The following ARHGEF3 variants were observed in gnomAD, a reference collection of about 807,000 sequenced individuals.
ARHGEF3 encodes the protein Rho guanine nucleotide exchange factor 3, also known as 59.8 kDA protein.
In ARHGEF3, 28 loss-of-function variants were observed where a neutral mutation model predicts 63.2. The ratio of observed to expected loss-of-function variants is 0.44; its 90% CI spans 0.33 to 0.61. The LOEUF (loss-of-function observed/expected upper bound fraction) is 0.61, where lower values mean the gene tolerates loss of function less well. Ranked by LOEUF, ARHGEF3 falls within the 20% of genes least tolerant of loss-of-function variation. The pLI, the probability that ARHGEF3 is intolerant of heterozygous loss-of-function variation, is 0.03. For synonymous variants in ARHGEF3, 266 were observed against 254.2 expected (o/e 1.05, Z -0.44); for missense variants, 533 against 659.3 (o/e 0.81, Z 2.10).
intron 9 of ARHGEF3, among the ~76,000 whole-genome samples, chr3:56,730,673 G>T (rs2033086220): frequency 6.6e-6 from 1 of 152,130 alleles, no homozygotes; most frequent in South Asian, 2.1e-4. Context: ...GAGCCACCGT[G>T]CCTGGCCTAT....
intron 1 of ARHGEF3, among the ~76,000 whole-genome samples, chr3:57,036,986 T>C (rs1442752461): frequency 6.6e-6 from 1 of 152,240 alleles, no homozygotes; most frequent in African/African-American, 2.4e-5. Context: ...CCCAAGGCGT[T>C]AGACAGTCAG....
intron 7 of ARHGEF3, among the ~76,000 whole-genome samples, chr3:56,740,803 A>C (rs1198531772): frequency 1.3e-5 from 2 of 152,210 alleles, no homozygotes; most frequent in African/African-American, 4.8e-5. Context: ...GGACAGCCGG[A>C]ATTAATCAGC....
chr3:56,891,384 C>T (rs568055395), intron 3 of ARHGEF3, among the ~76,000 whole-genome samples: 1 of 150,464 alleles, frequency 6.6e-6, no homozygotes, highest in South Asian at 2.1e-4. Flanking sequence ...AAACATCCTC[C>T]TTTTTCTAGG....
At chr3:56,989,051 G>C (rs1701646422) in intron 2 of ARHGEF3, among the ~76,000 whole-genome samples, 1 of 152,128 alleles carries the variant, frequency 6.6e-6, no homozygotes, top group African/African-American at 2.4e-5. Context: ...CAAGGAGAAA[G>C]ACAGCACCGA....
At chr3:56,986,480 C>G (rs1701542120) in intron 2 of ARHGEF3, among the ~76,000 whole-genome samples, 1 of 152,192 alleles carries the variant, frequency 6.6e-6, no homozygotes, top group Non-Finnish European at 1.5e-5. Context: ...AAGCCAATGT[C>G]CTGGCATGGC....
chr3:57,067,914 T>C (rs1008180604), intron 1 of ARHGEF3, among the ~76,000 whole-genome samples: 2 of 151,088 alleles, frequency 1.3e-5, no homozygotes. Context: ...GGCGTGAACC[T>C]GGGAGGCAGA....
intron 2 of ARHGEF3, among the ~76,000 whole-genome samples, chr3:56,755,725 G>T (rs2035032773): frequency 6.6e-6 from 1 of 152,206 alleles, no homozygotes; most frequent in African/African-American, 2.4e-5. Flanking sequence ...AAGGAGGAAA[G>T]AGTATTCCTT....
chr3:57,024,204 C>T (rs1174374694), intron 2 of ARHGEF3, among the ~76,000 whole-genome samples: 2 of 151,784 alleles, frequency 1.3e-5, no homozygotes, highest in East Asian at 3.9e-4. Flanking sequence ...ATCTTCTTTC[C>T]TGCCTAATGT....
At chr3:56,857,294 C>T (rs2108172348) in intron 4 of ARHGEF3, among the ~76,000 whole-genome samples, 1 of 152,306 alleles carries the variant, frequency 6.6e-6, no homozygotes, top group East Asian at 1.9e-4. Flanking sequence ...CGCAACTATT[C>T]ACCCCGTTCA....
intron 4 of ARHGEF3, among the ~76,000 whole-genome samples, chr3:56,870,892 A>G (rs1430331116): frequency 6.6e-6 from 1 of 152,190 alleles, no homozygotes; most frequent in Non-Finnish European, 1.5e-5. Context: ...TCAATATACT[A>G]TCTCTTCTCA....
At chr3:57,036,598 G>T (rs1252767491) in intron 1 of ARHGEF3, among the ~76,000 whole-genome samples, 2 of 152,136 alleles carry the variant, frequency 1.3e-5, no homozygotes, top group Non-Finnish European at 2.9e-5. Context: ...GATTTTCTTT[G>T]TACCACATGG....
At chr3:56,826,333 T>C (rs1259887564) in intron 4 of ARHGEF3, among the ~76,000 whole-genome samples, 2 of 152,208 alleles carry the variant, frequency 1.3e-5, no homozygotes, top group African/African-American at 4.8e-5. Flanking sequence ...ACTAGAAGCA[T>C]TTTGATTCAA....
At position 57,034,112 on chromosome 3, in the gene ARHGEF3, T is replaced by A. The variant is rs528829044; in HGVS notation, c.62+976A>T. 1.6e-3 allele frequency among the ~76,000 whole-genome samples: 242 copies of A among 152,120 alleles called. 1 individual carries two copies. Among genetic ancestry groups the A allele is most frequent in the African/African-American group, 5.6e-3 (231 of 41,550 alleles). Reference sequence around the variant, plus strand: ...TTATTGACATTACACTAAAAGTTTTTAATTATCTAATGTACTTATTTATTT... The same window carrying A: ...TTATTGACATTACACTAAAAGTTTTAAATTATCTAATGTACTTATTTATTT... On this transcript the variant is annotated intron_variant, in intron 2 of 12. Transcript: ENST00000338458.
chr3:57,001,367 T>A (rs2107022654), intron 2 of ARHGEF3, among the ~76,000 whole-genome samples: 1 of 152,230 alleles, frequency 6.6e-6, no homozygotes, highest in East Asian at 1.9e-4. Context: ...CATTCTCCTG[T>A]GGATGAACAT....
At position 56,798,864 on chromosome 3, in the gene ARHGEF3, A is replaced by T. The variant is rs370640390; in HGVS notation, c.96+2839T>A. 4.6e-5 allele frequency among the ~76,000 whole-genome samples: 7 copies of T among 152,350 alleles called. No homozygotes were observed. In the East Asian group the frequency reaches 9.6e-4, roughly 21 times the overall value. Reference sequence around the variant, plus strand: ...CTTAGATTTCACAATTAATGATTACAGCCAGCAGGACCTCACTGATTATGG... The same window carrying T: ...CTTAGATTTCACAATTAATGATTACTGCCAGCAGGACCTCACTGATTATGG... On this transcript the variant is annotated intron_variant, in intron 1 of 9. Coordinates refer to ENST00000296315, the MANE Select transcript of ARHGEF3 (RefSeq NM_019555.3).
intron 1 of ARHGEF3, among the ~76,000 whole-genome samples, chr3:56,791,493 A>G (rs1051762672): frequency 6.6e-6 from 1 of 152,246 alleles, no homozygotes; most frequent in African/African-American, 2.4e-5. Context: ...AGAAGTTTTT[A>G]TCTATCCATT....
chr3:56,852,299 T>C (rs2039701877), intron 4 of ARHGEF3, among the ~76,000 whole-genome samples: 1 of 152,164 alleles, frequency 6.6e-6, no homozygotes, highest in Non-Finnish European at 1.5e-5. Context: ...CGTATTTTCA[T>C]TTTCCTTCGT....
At chr3:57,000,637 A>G (rs2107018147) in intron 2 of ARHGEF3, among the ~76,000 whole-genome samples, 1 of 152,176 alleles carries the variant, frequency 6.6e-6, no homozygotes, top group South Asian at 2.1e-4. Context: ...GGTTCAAGTG[A>G]TTCTCCTGCC....
intron 3 of ARHGEF3, among the ~76,000 whole-genome samples, chr3:56,946,873 G>C (rs1198247430): frequency 6.6e-6 from 1 of 152,234 alleles, no homozygotes; most frequent in Non-Finnish European, 1.5e-5. Context: ...AGGGCAGCCA[G>C]AGAGAAAGGT....
Sources: gnomAD v4.1 joint callset for allele counts (sites outside exome capture counted in the v4.1 genomes callset) on GRCh38, gnomAD v4.1.1 for gene constraint, MANE v1.5 for transcripts, NCBI Gene and HGNC (gene_info 2026-07-23, HGNC 2026-07-21) for gene names.